XRN1: variants seen among roughly 807,000 people sequenced by gnomAD.
XRN1 encodes 5'-3' exoribonuclease 1, also known as strand-exchange protein 1 homolog.
XRN1 carries 67 observed loss-of-function variants against 222.3 expected under a neutral mutation model. That is an observed-to-expected ratio of 0.30 (90% CI 0.25 to 0.37). The LOEUF (loss-of-function observed/expected upper bound fraction) is 0.37. Ranked by LOEUF, XRN1 falls within the 10% of genes least tolerant of loss-of-function variation. The probability of loss-of-function intolerance (pLI) is 1.00; values close to 1 mark genes in which losing one functional copy is unlikely to be tolerated. For synonymous variants in XRN1, 643 were observed against 652.4 expected (o/e 0.99, Z 0.22); for missense variants, 1,707 against 2,000.2 (o/e 0.85, Z 2.80).
chr3:142,344,570 G>A (rs1028923900), intron 33 of XRN1, among the ~76,000 whole-genome samples: 1 of 151,368 alleles, frequency 6.6e-6, no homozygotes, highest in Non-Finnish European at 1.5e-5. Flanking sequence ...AAACAGTTAA[G>A]GCAATATACA....
chr3:142,312,626 C>G lies in XRN1; in HGVS notation c.4754G>C (p.Gly1585Ala). 1.2e-6 allele frequency: 2 copies of G among 1,612,700 alleles called. No homozygotes were observed. The highest frequency in any genetic ancestry group is 1.7e-6 in the Non-Finnish European group (2 of 1,179,196). The change falls in exon 40 of 41, where the codon GGT becomes GCT. Residue 1585 changes from glycine to alanine, a missense_variant. By Grantham distance (60) the Gly-to-Ala change is moderately conservative. Around this residue, in one of 2 missense-constraint regions of XRN1, gnomAD observed 473 missense variants for 482.0 expected, o/e 0.98. Coordinates refer to ENST00000392981, the MANE Select transcript of XRN1 (RefSeq NM_001282857.2). ...CAGAGGTATAAACTGATTGTGCACACCCCCTGGTATTCCCCCAGCCATGGG... is the reference window on the plus strand; with the variant it reads ...CAGAGGTATAAACTGATTGTGCACAGCCCCTGGTATTCCCCCAGCCATGGG... Reference protein sequence around the residue: ...TMPMAGGIPGGVHNQFIPLQV... With the variant: ...TMPMAGGIPGAVHNQFIPLQV...
chr3:142,354,841 A>C (rs769494847), intron 32 of XRN1, among the ~76,000 whole-genome samples: 1 of 152,174 alleles, frequency 6.6e-6, no homozygotes, highest in African/African-American at 2.4e-5. Flanking sequence ...AGATTTTTAA[A>C]AATGTGGTAT....
intron 34 of XRN1, among the ~76,000 whole-genome samples, chr3:142,335,224 C>A (rs1054579760): frequency 6.6e-6 from 1 of 152,112 alleles, no homozygotes; most frequent in African/African-American, 2.4e-5. Context: ...GGCCACCCAA[C>A]TATTAAATGA....
intron 14 of XRN1, among the ~76,000 whole-genome samples, chr3:142,412,978 T>C (rs2068644357): frequency 6.6e-6 from 1 of 152,204 alleles, no homozygotes; most frequent in African/African-American, 2.4e-5. Context: ...AGCTAAATTG[T>C]TTTTCTATTC....
chr3:142,396,391 A>G (rs1374696799), intron 20 of XRN1, among the ~76,000 whole-genome samples: 4 of 152,254 alleles, frequency 2.6e-5, no homozygotes, highest in African/African-American at 4.8e-5. Flanking sequence ...CTTATGGTGC[A>G]TACTATCTAA....
intron 20 of XRN1, among the ~76,000 whole-genome samples, chr3:142,393,865 T>G (rs1180052926): frequency 6.6e-6 from 1 of 151,996 alleles, no homozygotes; most frequent in African/African-American, 2.4e-5. Flanking sequence ...CTTGCTCTGT[T>G]GCCCAGGCTG....
chr3:142,334,898 C>T (rs2065811479), intron 34 of XRN1, among the ~76,000 whole-genome samples: 4 of 150,188 alleles, frequency 2.7e-5, no homozygotes, highest in Admixed American at 6.7e-5. Flanking sequence ...TGCAGTGGTG[C>T]GATTTCAGCT....
intron 32 of XRN1, among the ~76,000 whole-genome samples, chr3:142,347,827 G>T (rs2066192910): frequency 6.6e-6 from 1 of 151,108 alleles, no homozygotes; most frequent in Non-Finnish European, 1.5e-5. Flanking sequence ...CAAACTCCTG[G>T]CCTTAAGCAA....
chr3:142,311,541 A>C lies in XRN1; in HGVS notation c.5055T>G (p.Val1685=). The change falls in exon 41 of 41, where the codon GTT becomes GTG. Residue 1685 remains valine, a synonymous_variant. Transcript: ENST00000392981. ...SSRRKSRKLA[V]NFGVSKPSE ...CAGAAGGTTTAGAAACACCAAAATT[A>C]ACAGCCAGTTTTCTTGATTTTCTTC... 1 of 1,609,044 alleles carries C rather than the reference A, an allele frequency of 6.2e-7. No homozygotes were observed. Among genetic ancestry groups the C allele is most frequent in the South Asian group, 1.1e-5 (1 of 90,462 alleles).
At chr3:142,347,119 G>T in intron 33 of XRN1, 115 bp downstream of exon 33, 1 of 765,686 alleles carries the variant, frequency 1.3e-6, no homozygotes, top group Non-Finnish European at 2.0e-6. Flanking sequence ...ACCACTTATC[G>T]TATACTTTAA....
chr3:142,409,063 G>A (rs2068461073), intron 15 of XRN1, among the ~76,000 whole-genome samples: 1 of 152,160 alleles, frequency 6.6e-6, no homozygotes, highest in Non-Finnish European at 1.5e-5. Context: ...ACTTGAGTTG[G>A]AGGAGCTGGT....
intron 11 of XRN1, 94 bp from the exon 12 acceptor site, chr3:142,418,703 T>C (rs2068883413): frequency 7.0e-7 from 1 of 1,424,218 alleles, no homozygotes; most frequent in Admixed American, 1.9e-5. Context: ...AAGTTGATGC[T>C]TATATGCTAT....
At chr3:142,411,185 C>T (rs934230045) in intron 15 of XRN1, among the ~76,000 whole-genome samples, 8 of 152,126 alleles carry the variant, frequency 5.3e-5, no homozygotes, top group Non-Finnish European at 1.2e-4. Flanking sequence ...AAGATAGCTC[C>T]TCTTCATTCC....
chr3:142,325,337 TATACC>T (rs2065486886), intron 37 of XRN1, among the ~76,000 whole-genome samples: 1 of 152,208 alleles, frequency 6.6e-6, no homozygotes, highest in African/African-American at 2.4e-5. Context: ...CATTTTTTCA[TATACC>T]TGTTGGCCAT....
Position 142,318,815 on chromosome 3 carries a change from G to C in XRN1, c.4493C>G (p.Ala1498Gly). ...CHSENEAKEKAALFALQQLGS... is the reference protein window; with the variant it reads ...CHSENEAKEKGALFALQQLGS... Reference sequence around the variant, plus strand: ...CAACTGTTGTAAAGCAAAAAGTGCAGCTTTCTCTTTGGCTTCATTTTCAGA... The same window carrying C: ...CAACTGTTGTAAAGCAAAAAGTGCACCTTTCTCTTTGGCTTCATTTTCAGA... Residue 1498 changes from alanine (A) to glycine (G), a missense_variant, in exon 38 of 41, where the codon GCT becomes GGT. Physicochemically the swap from Ala to Gly is moderately conservative, Grantham distance 60. This residue lies in a region of XRN1 where 473 missense variants were observed against 482.0 expected (regional missense o/e 0.98). Coordinates refer to ENST00000392981, the MANE Select transcript of XRN1 (RefSeq NM_001282857.2). 1 of 1,613,948 alleles carries C rather than the reference G, an allele frequency of 6.2e-7. No individual in the cohort carries two copies. The highest frequency in any genetic ancestry group is 2.2e-5 in the East Asian group (1 of 44,848).
chr3:142,412,733 T>G (rs886122159), intron 14 of XRN1, 70 bp from the exon 15 acceptor site: 2 of 1,212,632 alleles, frequency 1.6e-6, no homozygotes, highest in Non-Finnish European at 2.2e-6. Context: ...GTTAATGTAT[T>G]TATAATATTT....
At chr3:142,327,841 C>T (rs1440181204) in intron 37 of XRN1, among the ~76,000 whole-genome samples, 1 of 152,078 alleles carries the variant, frequency 6.6e-6, no homozygotes, top group Non-Finnish European at 1.5e-5. Context: ...CTGCCCATCC[C>T]CCACCCTTCC....
At chr3:142,360,064 A>G (rs1327205764) in intron 29 of XRN1, 133 bp from the exon 30 acceptor site, 3 of 506,738 alleles carry the variant, frequency 5.9e-6, no homozygotes, top group Non-Finnish European at 1.0e-5. Flanking sequence ...GGATATGAAC[A>G]ATGGCATAAT....
intron 33 of XRN1, among the ~76,000 whole-genome samples, chr3:142,341,124 T>C (rs1038622967): frequency 3.3e-5 from 5 of 152,116 alleles, no homozygotes; most frequent in East Asian, 1.9e-4. Flanking sequence ...AAGATATAAA[T>C]AGAAACAGCA....
Sources: allele counts gnomAD v4.1 joint callset (sites outside exome capture counted in the v4.1 genomes callset), GRCh38; gene constraint gnomAD v4.1.1; regional missense constraint gnomAD v4.1.1; transcripts MANE v1.5; gene names NCBI Gene and HGNC (gene_info 2026-07-23, HGNC 2026-07-21).